Variants in NEB observed in about 807,000 individuals in gnomAD.
The protein encoded by NEB is nemaline myopathy type 2.
Under a neutral mutation model 952.2 loss-of-function variants are expected in NEB, and 512 were observed. The ratio of observed to expected loss-of-function variants is 0.54; its 90% CI spans 0.50 to 0.58. NEB has a LOEUF of 0.58. NEB is among the 20% of genes least tolerant of loss of function. NEB has a pLI of 0.00. For missense variants in NEB, 8,428 were observed against 9,231.1 expected (o/e 0.91, Z 3.56); for synonymous variants, 2,900 against 3,149.8 (o/e 0.92, Z 2.66).
Position 151,572,373 on chromosome 2 carries a change from G to A in NEB, c.17014-1772C>T, listed in dbSNP as rs545065178. The stretch of plus-strand genomic sequence containing the variant: ...TTAATTAAACTACAAAATAGTTAAT[G>A]CAAACGTGTATTATGTTATCTTTTT... On this transcript the variant is annotated intron_variant, in intron 107 of 181. Transcript: ENST00000397345. Among the ~76,000 whole-genome samples the A allele has an allele frequency of 5.3e-5, 8 of 151,506 alleles. No individual in the cohort carries two copies. The South Asian group carries it at 1.7e-3, about 32-fold the overall frequency.
Position 151,569,305 on chromosome 2 carries a change from A to G in NEB, c.17498T>C (p.Val5833Ala). Residue 5833 changes from valine to alanine, a missense_variant, in exon 110 of 182, where the codon GTC (valine) becomes GCC (alanine). Val to Ala is a moderately conservative substitution (Grantham distance 64). Around this residue, in one of 11 missense-constraint regions of NEB, gnomAD observed 3,374 missense variants for 3,651.5 expected, o/e 0.92. Coordinates refer to ENST00000397345, the MANE Select transcript of NEB (RefSeq NM_001164508.2). ...IGWMPNDSVS[V>A]NHAKHAADIF... is the part of the protein sequence containing the mutation. ...GTCCGCGGCATGTTTGGCATGATTGACGGACACGGAGTCATTTGGCATCCA... is the reference window on the plus strand; with the variant it reads ...GTCCGCGGCATGTTTGGCATGATTGGCGGACACGGAGTCATTTGGCATCCA... 6.2e-7 allele frequency: 1 copy of G among 1,613,930 alleles called. No homozygotes were observed. Among genetic ancestry groups the G allele is most frequent in the Non-Finnish European group, 8.5e-7 (1 of 1,179,832 alleles).
In NEB at chr2:151,565,803, G is replaced by T; in HGVS notation, c.18174C>A (p.Asp6058Glu). 1 of 1,610,122 alleles carries T rather than the reference G, an allele frequency of 6.2e-7. No homozygotes were observed. Among genetic ancestry groups the T allele is most frequent in the South Asian group, 1.1e-5 (1 of 90,290 alleles). Reference sequence around the variant, plus strand: ...AGCCAATGCCTCGGAGCCACTCCAGGTCAGCTCTGTAGACATTCTGAGAGC... The same window carrying T: ...AGCCAATGCCTCGGAGCCACTCCAGTTCAGCTCTGTAGACATTCTGAGAGC... The part of the protein sequence containing the change: ...DLQSDNVYRA[D>E]LEWLRGIGWI... The change falls in exon 115 of 182, where the codon GAC becomes GAA. Residue 6058 changes from aspartate to glutamate, a missense_variant. Coordinates refer to ENST00000397345, the MANE Select transcript of NEB (RefSeq NM_001164508.2).
intron 76 of NEB, chr2:151,615,737 A>G (rs2098171387): frequency 3.0e-6 from 1 of 332,500 alleles, no homozygotes; most frequent in Non-Finnish European, 5.4e-6. Flanking sequence ...CAATTTCTGA[A>G]GCTCAAAAAT....
Position 151,503,412 on chromosome 2 carries a change from G to A in NEB, c.23772C>T (p.Gly7924=). Residue 7924 remains glycine (G), a synonymous_variant, in exon 166 of 182, where the codon GGC becomes GGT. Transcript: ENST00000397345. ...TCTCTGGAGTCACAGTGGTTGGAAT[G>A]CCTGTTCCCAAGTTTTCTTTGTACA... The part of the protein sequence containing the change: ...SVMYKENLGT[G]IPTTVTPEIE... 3.1e-6 allele frequency: 5 copies of A among 1,612,208 alleles called. No individual in the cohort carries two copies. The highest frequency in any genetic ancestry group is 4.2e-6 in the Non-Finnish European group (5 of 1,178,492).
chr2:151,497,785 G>A (rs1331575684), intron 170 of NEB, 67 bp from the exon 171 acceptor site: 2 of 1,541,774 alleles, frequency 1.3e-6, no homozygotes, highest in African/African-American at 1.4e-5. Flanking sequence ...GACTTTTTAA[G>A]GATGAGGAAA....
At chr2:151,675,434 A>G in intron 34 of NEB, 43 bp from the exon 35 acceptor site, 2 of 1,321,732 alleles carry the variant, frequency 1.5e-6, no homozygotes, top group Non-Finnish European at 2.1e-6. Flanking sequence ...AGGAAAATCT[A>G]TTAATTGTTT....
chr2:151,704,143 C>A (rs2099690466), intron 13 of NEB, among the ~76,000 whole-genome samples: 1 of 65,528 alleles, frequency 1.5e-5, no homozygotes, highest in East Asian at 3.6e-4. Flanking sequence ...TGTGCCCCTG[C>A]TGGGGGGTGC....
intron 155 of NEB, 136 bp downstream of exon 155, chr2:151,518,828 GA>G: frequency 3.2e-6 from 2 of 624,174 alleles, no homozygotes; most frequent in Non-Finnish European, 5.7e-6. Context: ...TCATTTGGAA[GA>G]ATACACTCAA....
chr2:151,682,546 C>CTT (rs1167801000), intron 29 of NEB, 116 bp downstream of exon 29: 1 of 869,928 alleles, frequency 1.1e-6, no homozygotes, highest in East Asian at 2.8e-5. Context: ...GTGGTAAGCT[C>CTT]TTTTCCTCAG....
At chr2:151,720,650 A>C (rs1420877266) in intron 9 of NEB, among the ~76,000 whole-genome samples, 2 of 152,176 alleles carry the variant, frequency 1.3e-5, no homozygotes, top group East Asian at 3.9e-4. Context: ...TGATAGATGA[A>C]GGGAGATAGG....
At chr2:151,647,181 G>A (rs1403023572) in intron 54 of NEB, among the ~76,000 whole-genome samples, 1 of 151,940 alleles carries the variant, frequency 6.6e-6, no homozygotes, top group Non-Finnish European at 1.5e-5. Context: ...TGCAGTCTTA[G>A]CTCACTGTAA....
chr2:151,640,096 G>A (rs2098828131), intron 61 of NEB, 36 bp from the exon 62 acceptor site: 1 of 1,583,496 alleles, frequency 6.3e-7, no homozygotes, highest in South Asian at 1.1e-5. Context: ...ATTTATCTCT[G>A]TATCAGCAAT....
intron 135 of NEB, among the ~76,000 whole-genome samples, chr2:151,544,520 C>A (rs980476406): frequency 6.6e-6 from 1 of 152,158 alleles, no homozygotes; most frequent in Admixed American, 6.5e-5. Context: ...ACAGGTGATT[C>A]TCATACTGAG....
intron 146 of NEB, among the ~76,000 whole-genome samples, chr2:151,528,785 G>T (rs1043351897): frequency 6.6e-6 from 1 of 152,220 alleles, no homozygotes; most frequent in African/African-American, 2.4e-5. Flanking sequence ...CAGGAAGAAG[G>T]TCTAGGCCAA....
intron 60 of NEB, among the ~76,000 whole-genome samples, chr2:151,642,369 T>C (rs773847332): frequency 1.3e-5 from 2 of 152,252 alleles, no homozygotes; most frequent in African/African-American, 4.8e-5. Context: ...TGTTTTGAAA[T>C]GCATGTTGCT....
chr2:151,490,258 A>T, intron 180 of NEB, 114 bp downstream of exon 180: 2 of 1,347,732 alleles, frequency 1.5e-6, no homozygotes, highest in Non-Finnish European at 2.0e-6. Flanking sequence ...TTTTCTCATT[A>T]AAGGAAAGGA....
At chr2:151,673,025 C>T (rs747188236) in intron 36 of NEB, among the ~76,000 whole-genome samples, 12 of 152,202 alleles carry the variant, frequency 7.9e-5, no homozygotes, top group Middle Eastern at 3.4e-3. Context: ...TCATAGGTTT[C>T]GATTTAATAT....
In NEB at chr2:151,709,785, G is replaced by A. The variant is rs376187503; in HGVS notation, c.928-22C>T. On this transcript the variant is annotated intron_variant, in intron 11 of 181. Transcript: ENST00000397345. ...TCCTCTGTAAGACATCAGACAAGCT[G>A]AAGAACTGCTGTGGAAATGAACTAT... is the stretch of plus-strand genomic sequence containing the variant. 100 of 1,518,760 alleles carry A rather than the reference G, an allele frequency of 6.6e-5. No homozygotes were observed. In the Middle Eastern group the frequency reaches 1.9e-3, roughly 28 times the overall value. 94.1% of individuals were successfully genotyped at this position (1,518,760 alleles called of 1,614,324 possible).
rs549643594 is a variant in NEB, at chr2:151,707,234, A to G, written c.1036-237T>C. 2.1e-3 allele frequency among the ~76,000 whole-genome samples: 316 copies of G among 152,328 alleles called. 2 individuals are homozygous for G. The highest frequency in any genetic ancestry group is 7.0e-3 in the African/African-American group (293 of 41,566). On this transcript the variant is annotated intron_variant, in intron 12 of 181. Coordinates refer to ENST00000397345, the MANE Select transcript of NEB (RefSeq NM_001164508.2). ...ATTCAAAATTATCCATAGGGTGTCA[A>G]TTCTGTTTCTGGCTTGGGGACAGAT...
Sources: allele counts gnomAD v4.1 joint callset (sites outside exome capture counted in the v4.1 genomes callset), GRCh38; gene constraint gnomAD v4.1.1; regional missense constraint gnomAD v4.1.1; transcripts MANE v1.5; gene names NCBI Gene and HGNC (gene_info 2026-07-23, HGNC 2026-07-21).